The following SPG11 variants were observed in gnomAD, a reference collection of about 807,000 sequenced individuals.
SPG11 encodes SPG11 vesicle trafficking associated, spatacsin.
Under a neutral mutation model 274.0 loss-of-function variants are expected in SPG11, and 222 were observed. That is an observed-to-expected ratio of 0.81 (90% CI 0.73 to 0.91). SPG11 has a LOEUF of 0.91. SPG11 is among the 40% of genes least tolerant of loss of function. SPG11 has a pLI of 0.00. For synonymous variants in SPG11, 1,144 were observed against 1,039.7 expected (o/e 1.10, Z -1.93); for missense variants, 3,114 against 2,872.7 (o/e 1.08, Z -1.92).
At chr15:44,606,507 G>GA (rs969047227) in intron 19 of SPG11, among the ~76,000 whole-genome samples, 9 of 152,072 alleles carry the variant, frequency 5.9e-5, no homozygotes, top group African/African-American at 2.2e-4. Flanking sequence ...GAAAAGAGAA[G>GA]AAAAAACTAG....
chr15:44,622,097 G>A, intron 13 of SPG11, 123 bp downstream of exon 13: 1 of 1,274,638 alleles, frequency 7.8e-7, no homozygotes, highest in Non-Finnish European at 1.1e-6. Flanking sequence ...TCTGATACAA[G>A]TTTTATCTCC....
At chr15:44,608,147 T>C (rs2083369108) in intron 19 of SPG11, among the ~76,000 whole-genome samples, 1 of 152,208 alleles carries the variant, frequency 6.6e-6, no homozygotes, top group East Asian at 1.9e-4. Flanking sequence ...ATACTCTATG[T>C]TCCTGGTTCC....
intron 7 of SPG11, among the ~76,000 whole-genome samples, chr15:44,637,122 T>G (rs1334145391): frequency 6.6e-6 from 1 of 151,602 alleles, no homozygotes; most frequent in Non-Finnish European, 1.5e-5. Flanking sequence ...AAATAAAAAT[T>G]TAAATTAGAA....
intron 25 of SPG11, 66 bp from the exon 26 acceptor site, chr15:44,595,525 A>G (rs2083013831): frequency 6.7e-7 from 1 of 1,494,020 alleles, no homozygotes; most frequent in African/African-American, 1.4e-5. Context: ...AATACTACAG[A>G]TGGATATTTC....
At chr15:44,645,449 C>T (rs2084578098) in intron 7 of SPG11, among the ~76,000 whole-genome samples, 1 of 152,088 alleles carries the variant, frequency 6.6e-6, no homozygotes, top group African/African-American at 2.4e-5. Flanking sequence ...CTTTCTTATA[C>T]CACATACAAA....
Position 44,663,648 on chromosome 15 carries a change from C to T in SPG11, c.-1G>A, listed in dbSNP as rs1384476408. On this transcript the variant is annotated 5_prime_UTR_variant, in exon 1 of 40. Transcript: ENST00000261866. ...TCGCGACCCCTTCCTCTGCAGCCAT[C>T]TTGGCCCGGCGGTTACTTCCGGTCA... The T allele has an allele frequency of 4.4e-6, 7 of 1,591,782 alleles. No individual in the cohort carries two copies. Among genetic ancestry groups the T allele is most frequent in the Non-Finnish European group, 5.1e-6 (6 of 1,175,436 alleles).
At chr15:44,611,718 C>G (rs185333871) in intron 17 of SPG11, among the ~76,000 whole-genome samples, 1 of 151,816 alleles carries the variant, frequency 6.6e-6, no homozygotes, top group Non-Finnish European at 1.5e-5. Flanking sequence ...ATGGAAAATG[C>G]CCTCATTGTC....
chr15:44,655,409 G>A (rs888425914), intron 4 of SPG11, among the ~76,000 whole-genome samples: 11 of 152,166 alleles, frequency 7.2e-5, no homozygotes, highest in Non-Finnish European at 1.2e-4. Context: ...GTAGAGAAAA[G>A]TCATGACATT....
At chr15:44,661,237 A>G (rs2085096377) in intron 1 of SPG11, among the ~76,000 whole-genome samples, 1 of 152,244 alleles carries the variant, frequency 6.6e-6, no homozygotes, top group Admixed American at 6.5e-5. Context: ...GACTACCATT[A>G]CTAAACGGTA....
intron 8 of SPG11, among the ~76,000 whole-genome samples, chr15:44,630,689 C>T (rs977992125): frequency 6.6e-6 from 1 of 152,126 alleles, no homozygotes; most frequent in African/African-American, 2.4e-5. Context: ...AAGCGATTCT[C>T]CTGCCTCAGC....
At chr15:44,611,042 A>G in intron 17 of SPG11, 57 bp from the exon 18 acceptor site, 2 of 1,332,500 alleles carry the variant, frequency 1.5e-6, no homozygotes, top group Non-Finnish European at 2.1e-6. Flanking sequence ...TAAATTAAGG[A>G]TTACATAAAT....
At chr15:44,663,196 G>A (rs1444491655) in intron 1 of SPG11, among the ~76,000 whole-genome samples, 195 bp downstream of exon 1, 1 of 152,264 alleles carries the variant, frequency 6.6e-6, no homozygotes, top group Non-Finnish European at 1.5e-5. Context: ...AGAATGCAAC[G>A]AGGCGAGCGT....
chr15:44,646,654 G>C (rs1003482997), intron 7 of SPG11, among the ~76,000 whole-genome samples: 1 of 152,182 alleles, frequency 6.6e-6, no homozygotes, highest in Non-Finnish European at 1.5e-5. Context: ...CCATAAAAAA[G>C]AGCGAGGTCA....
intron 12 of SPG11, 32 bp downstream of exon 12, chr15:44,622,696 A>T: frequency 6.5e-7 from 1 of 1,536,220 alleles, no homozygotes; most frequent in Non-Finnish European, 9.0e-7. Flanking sequence ...CTTTCTAGAA[A>T]ATGTATACTA....
chr15:44,573,652 G>C lies in SPG11; in HGVS notation c.6100C>G (p.Arg2034Gly), dbSNP rs118203963. Residue 2034 changes from arginine to glycine, a missense_variant, in exon 32 of 40, where the codon CGA becomes GGA. Physicochemically the swap from Arg to Gly is moderately radical, Grantham distance 125 (BLOSUM62 -2). Transcript: ENST00000261866. Reference sequence around the variant, plus strand: ...TGTGTGCTGATGAAGGCCTGGGCTCGTTTGCATCGGTCAGGCTGCTGAGAG... The same window carrying C: ...TGTGTGCTGATGAAGGCCTGGGCTCCTTTGCATCGGTCAGGCTGCTGAGAG... ...LASQQPDRCKRAQAFISTQGL... is the reference protein window; with the variant it reads ...LASQQPDRCKGAQAFISTQGL... 2.7e-5 allele frequency: 43 copies of C among 1,614,100 alleles called. 1 individual carries two copies. The South Asian group carries it at 4.5e-4, about 17-fold the overall frequency.
At chr15:44,596,388 C>T (rs2083039988) in intron 24 of SPG11, 33 bp from the exon 25 acceptor site, 1 of 1,612,518 alleles carries the variant, frequency 6.2e-7, no homozygotes, top group African/African-American at 1.3e-5. Flanking sequence ...AAACAGAAAC[C>T]CAACTTTCAG....
chr15:44,647,438 A>G (rs1595921561), intron 7 of SPG11, among the ~76,000 whole-genome samples: 1 of 152,244 alleles, frequency 6.6e-6, no homozygotes, highest in Non-Finnish European at 1.5e-5. Flanking sequence ...AAATGAAAAC[A>G]TATGTCAACA....
chr15:44,581,895 TTAAAC>T (rs1483003383), intron 30 of SPG11, among the ~76,000 whole-genome samples: 34 of 152,060 alleles, frequency 2.2e-4, no homozygotes, highest in African/African-American at 8.2e-4. Context: ...AAAAATAAAA[TTAAAC>T]TATACAAAGA....
At chr15:44,564,769 G>C in intron 38 of SPG11, 71 bp from the exon 39 acceptor site, 1 of 1,521,430 alleles carries the variant, frequency 6.6e-7, no homozygotes, top group Non-Finnish European at 9.1e-7. Flanking sequence ...AACTGTTGTA[G>C]AAAACAATAC....
Sources: gnomAD v4.1 joint callset for allele counts (sites outside exome capture counted in the v4.1 genomes callset) on GRCh38, gnomAD v4.1.1 for gene constraint, MANE v1.5 for transcripts, NCBI Gene and HGNC (gene_info 2026-07-23, HGNC 2026-07-21) for gene names.